Variants in AGTPBP1 observed in about 807,000 individuals in gnomAD.
AGTPBP1 encodes cytosolic carboxypeptidase 1.
In AGTPBP1, 70 loss-of-function variants were observed where a neutral mutation model predicts 143.9. That is an observed-to-expected ratio of 0.49 (90% CI 0.40 to 0.59). The LOEUF (loss-of-function observed/expected upper bound fraction) is 0.59, where lower values mean the gene tolerates loss of function less well. Among genes scored for constraint, AGTPBP1 ranks in the 20% least tolerant of loss-of-function variants. AGTPBP1 has a pLI of 0.00. For missense variants in AGTPBP1, 1,229 were observed against 1,464.5 expected (o/e 0.84, Z 2.62); for synonymous variants, 463 against 500.2 (o/e 0.93, Z 0.99).
rs767198473 is a variant in AGTPBP1 at position 85,636,473 on chromosome 9, T to C, written c.1303-3099A>G. On this transcript the variant is annotated intron_variant, in intron 13 of 25. Coordinates refer to ENST00000357081, the MANE Select transcript of AGTPBP1 (RefSeq NM_001330701.2). ...AGACGGGGTTTCATCATATTGGCCATGGTCTCGATCTCCTGACTTTGTGAT... is the reference window on the plus strand; with the variant it reads ...AGACGGGGTTTCATCATATTGGCCACGGTCTCGATCTCCTGACTTTGTGAT... 5.2e-4 allele frequency among the ~76,000 whole-genome samples: 79 copies of C among 151,808 alleles called. 1 individual carries two copies. Among genetic ancestry groups the C allele is most frequent in the Admixed American group, 1.9e-3 (29 of 15,258 alleles).
chr9:85,752,917 A>G, the AGTPBP1 span, among the ~76,000 whole-genome samples: 2 of 152,168 alleles, frequency 1.3e-5, no homozygotes, highest in Non-Finnish European at 2.9e-5. Context: ...TGGGAGGCTG[A>G]GGTGAGAGGA....
At chr9:85,675,351 T>C (rs530380119) in intron 6 of AGTPBP1, among the ~76,000 whole-genome samples, 30 of 152,338 alleles carry the variant, frequency 2.0e-4, no homozygotes, top group African/African-American at 7.0e-4. Flanking sequence ...TTCTATATCC[T>C]ATTTTTCCCA....
intron 3 of AGTPBP1, among the ~76,000 whole-genome samples, chr9:85,682,387 A>G (rs1335158079): frequency 1.3e-5 from 2 of 151,990 alleles, no homozygotes; most frequent in Non-Finnish European, 2.9e-5. Flanking sequence ...TACTCTTTTC[A>G]TGGATCTAAA....
At chr9:85,687,159 G>A (rs897407370) in intron 3 of AGTPBP1, among the ~76,000 whole-genome samples, 1 of 152,136 alleles carries the variant, frequency 6.6e-6, no homozygotes, top group Admixed American at 6.5e-5. Context: ...ATTTCACAAT[G>A]ATGGAAGAGG....
intron 25 of AGTPBP1, among the ~76,000 whole-genome samples, chr9:85,568,967 G>A (rs940786902): frequency 2.0e-5 from 3 of 152,126 alleles, no homozygotes; most frequent in Non-Finnish European, 4.4e-5. Context: ...CTGGGAGATT[G>A]TAAGTATTTT....
chr9:85,604,981 C>T (rs1829904897), intron 17 of AGTPBP1, among the ~76,000 whole-genome samples: 1 of 151,912 alleles, frequency 6.6e-6, no homozygotes, highest in Non-Finnish European at 1.5e-5. Flanking sequence ...CCTACAATAT[C>T]GAGGCATACT....
chr9:85,564,645 G>T (rs1486224127), intron 25 of AGTPBP1, among the ~76,000 whole-genome samples: 1 of 152,172 alleles, frequency 6.6e-6, no homozygotes, highest in Non-Finnish European at 1.5e-5. Context: ...TGCTGTACAG[G>T]CTTGTAGCCT....
the AGTPBP1 span, among the ~76,000 whole-genome samples, chr9:85,796,664 C>A: frequency 2.6e-5 from 4 of 152,022 alleles, no homozygotes; most frequent in African/African-American, 9.7e-5. Context: ...ACATTAAAAA[C>A]CTTGGTTATA....
At position 85,606,730 on chromosome 9, in the gene AGTPBP1, T is replaced by C. The variant is rs118134271; in HGVS notation, c.2336-10281A>G. On this transcript the variant is annotated intron_variant, in intron 17 of 25. Coordinates refer to ENST00000357081, the MANE Select transcript of AGTPBP1 (RefSeq NM_001330701.2). ...TGAAATACAATGTGGCCATAAAAAA[T>C]GAAATCATGTCCTTTGCAGCAACAT... is the stretch of plus-strand genomic sequence containing the variant. Among the ~76,000 whole-genome samples, 1,381 of 152,066 alleles carry C rather than the reference T, an allele frequency of 9.1e-3. 15 individuals carry two copies. Among genetic ancestry groups the C allele is most frequent in the African/African-American group, 0.024 (1,007 of 41,516 alleles).
At chr9:85,638,810 G>A (rs575661420) in intron 13 of AGTPBP1, among the ~76,000 whole-genome samples, 2 of 151,988 alleles carry the variant, frequency 1.3e-5, no homozygotes, top group African/African-American at 4.8e-5. Context: ...TAACAGACCT[G>A]CAAATAGAAA....
In AGTPBP1 at chr9:85,636,293, C is replaced by T. The variant is rs1183842196; in HGVS notation, c.1303-2919G>A. ...TTTTTTTTTTTTTGAGAGGGAGTCTCGCTCTGTCTCCAGGCTGGAGTGCAG... is the reference window on the plus strand; with the variant it reads ...TTTTTTTTTTTTTGAGAGGGAGTCTTGCTCTGTCTCCAGGCTGGAGTGCAG... On this transcript the variant is annotated intron_variant, in intron 13 of 25. Coordinates refer to ENST00000357081, the MANE Select transcript of AGTPBP1 (RefSeq NM_001330701.2). 2.3e-5 allele frequency among the ~76,000 whole-genome samples: 3 copies of T among 131,800 alleles called. No individual in the cohort carries two copies. In the South Asian group the frequency reaches 7.1e-4, roughly 31 times the overall value. The allele number at this position is 131,800 out of a possible 152,430, so 86.5% of individuals were successfully genotyped here. A position where few individuals can be genotyped will look rare whatever the true frequency, so the allele number is the denominator to read the frequency against.
the AGTPBP1 span, among the ~76,000 whole-genome samples, chr9:85,794,708 G>A: frequency 2.0e-5 from 3 of 152,176 alleles, no homozygotes; most frequent in Non-Finnish European, 4.4e-5. Flanking sequence ...GATAGGAATT[G>A]CATTGAATCT....
At chr9:85,636,259 CTTTTTTT>C (rs35445993) in intron 13 of AGTPBP1, among the ~76,000 whole-genome samples, 6 of 118,548 alleles carry the variant, frequency 5.1e-5, no homozygotes, top group East Asian at 2.6e-4. Flanking sequence ...TGTAAGGTTT[CTTTTTTT>C]TTTTTTTTTT....
intron 2 of AGTPBP1, among the ~76,000 whole-genome samples, chr9:85,704,754 T>G (rs1836875279): frequency 6.6e-6 from 1 of 152,072 alleles, no homozygotes; most frequent in Non-Finnish European, 1.5e-5. Context: ...CAATCTATAA[T>G]GGGAACAATC....
chr9:85,744,398 A>G (rs1310189176), upstream of AGTPBP1, among the ~76,000 whole-genome samples: 1 of 152,196 alleles, frequency 6.6e-6, no homozygotes, highest in African/African-American at 2.4e-5. Context: ...TACATTGTGA[A>G]CCTAAGAAAA....
At chr9:85,661,200 T>C (rs1833838431) in intron 8 of AGTPBP1, among the ~76,000 whole-genome samples, 1 of 151,876 alleles carries the variant, frequency 6.6e-6, no homozygotes, top group Non-Finnish European at 1.5e-5. Flanking sequence ...ACAAAAAAAA[T>C]GTTTTGAGAA....
At chr9:85,663,189 G>C (rs1833942874) in intron 8 of AGTPBP1, among the ~76,000 whole-genome samples, 1 of 152,152 alleles carries the variant, frequency 6.6e-6, no homozygotes, top group East Asian at 1.9e-4. Flanking sequence ...AGCGAGTTGT[G>C]TTTGAATATT....
At chr9:85,798,727 C>T in the AGTPBP1 span, among the ~76,000 whole-genome samples, 1 of 151,852 alleles carries the variant, frequency 6.6e-6, no homozygotes, top group Non-Finnish European at 1.5e-5. Context: ...GAGGTTTCTT[C>T]AAATAAATGG....
At chr9:85,749,178 A>T in the AGTPBP1 span, among the ~76,000 whole-genome samples, 2 of 151,670 alleles carry the variant, frequency 1.3e-5, no homozygotes, top group Non-Finnish European at 2.9e-5. Flanking sequence ...AATTTTTTGT[A>T]GAGATAGGGT....
Sources: allele counts gnomAD v4.1 joint callset (sites outside exome capture counted in the v4.1 genomes callset), GRCh38; gene constraint gnomAD v4.1.1; transcripts MANE v1.5; gene names NCBI Gene and HGNC (gene_info 2026-07-23, HGNC 2026-07-21).